UGGT2: variants seen among roughly 807,000 people sequenced by gnomAD.
UGGT2 encodes the protein UDP-glucose:glycoprotein glucosyltransferase 2.
Under a neutral mutation model 192.1 loss-of-function variants are expected in UGGT2, and 180 were observed. That is an observed-to-expected ratio of 0.94 (90% CI 0.83 to 1.06). The LOEUF is 1.06. Ranked by LOEUF, UGGT2 falls within the 50% of genes least tolerant of loss-of-function variation. The probability of loss-of-function intolerance (pLI) is 0.00; values close to 1 mark genes in which losing one functional copy is unlikely to be tolerated. For missense variants in UGGT2, 1,849 were observed against 1,795.7 expected (o/e 1.03, Z -0.54); for synonymous variants, 580 against 591.0 (o/e 0.98, Z 0.27).
chr13:95,913,372 G>T (rs897614998), intron 20 of UGGT2, among the ~76,000 whole-genome samples: 2 of 151,976 alleles, frequency 1.3e-5, no homozygotes, highest in Non-Finnish European at 2.9e-5. Context: ...AATCTACAAA[G>T]AACTCAAACA....
intron 5 of UGGT2, among the ~76,000 whole-genome samples, chr13:96,000,750 C>T (rs2051773374): frequency 6.6e-6 from 1 of 151,980 alleles, no homozygotes; most frequent in South Asian, 2.1e-4. Context: ...AAAAATGTTC[C>T]TAAATTCATA....
At chr13:95,832,497 G>GCA (rs1397882715) in intron 38 of UGGT2, among the ~76,000 whole-genome samples, 10,945 of 152,050 alleles carry the variant, frequency 0.072, 465 homozygotes, top group East Asian at 0.15. Flanking sequence ...ACAAACACGT[G>GCA]GGGAAACCTC....
At chr13:95,883,640 C>G (rs2140192263) in intron 27 of UGGT2, among the ~76,000 whole-genome samples, 1 of 152,200 alleles carries the variant, frequency 6.6e-6, no homozygotes, top group Non-Finnish European at 1.5e-5. Context: ...TGAGATGTGC[C>G]TGGCTTCCCC....
chr13:95,982,138 A>C (rs549461012), intron 10 of UGGT2, among the ~76,000 whole-genome samples: 1 of 152,330 alleles, frequency 6.6e-6, no homozygotes, highest in African/African-American at 2.4e-5. Context: ...GCCCTGAGTA[A>C]GCTGGCATAC....
intron 22 of UGGT2, 66 bp from the exon 23 acceptor site, chr13:95,895,370 C>A: frequency 2.0e-6 from 2 of 1,006,808 alleles, no homozygotes; most frequent in South Asian, 2.2e-5. Context: ...AAAAACATTT[C>A]CTCATCAAAT....
At chr13:96,004,208 TTTTTTA>T (rs1160278807) in intron 5 of UGGT2, among the ~76,000 whole-genome samples, 1 of 152,032 alleles carries the variant, frequency 6.6e-6, no homozygotes, top group East Asian at 1.9e-4. Flanking sequence ...GTTTTTAAAA[TTTTTTA>T]TTTTTAATTA....
chr13:95,834,647 T>C (rs573720099), intron 37 of UGGT2, among the ~76,000 whole-genome samples: 2 of 152,282 alleles, frequency 1.3e-5, no homozygotes, highest in South Asian at 4.1e-4. Context: ...ATTCTACTCT[T>C]AGTGTTTCTA....
chr13:95,867,575 A>G (rs1390875884), intron 29 of UGGT2, 152 bp from the exon 30 acceptor site: 1 of 560,904 alleles, frequency 1.8e-6, no homozygotes, highest in East Asian at 3.3e-5. Flanking sequence ...ATTAAGATAT[A>G]CTATAATATG....
At chr13:95,884,703 C>T (rs2047595634) in intron 26 of UGGT2, 23 bp from the exon 27 acceptor site, 2 of 1,567,218 alleles carry the variant, frequency 1.3e-6, no homozygotes, top group South Asian at 1.2e-5. Flanking sequence ...CATAAAAATA[C>T]ATAATGTGAC....
intron 4 of UGGT2, among the ~76,000 whole-genome samples, chr13:96,020,270 A>G (rs1294395934): frequency 6.6e-6 from 1 of 152,122 alleles, no homozygotes; most frequent in African/African-American, 2.4e-5. Flanking sequence ...AAGAACTGCT[A>G]TTTTAAAAAG....
intron 27 of UGGT2, among the ~76,000 whole-genome samples, chr13:95,878,698 C>T (rs2047410854): frequency 6.6e-6 from 1 of 152,144 alleles, no homozygotes; most frequent in Non-Finnish European, 1.5e-5. Flanking sequence ...TATATCTAAT[C>T]TTATTTCACC....
chr13:95,973,199 A>C (rs2050831886), intron 10 of UGGT2, among the ~76,000 whole-genome samples: 1 of 151,852 alleles, frequency 6.6e-6, no homozygotes, highest in South Asian at 2.1e-4. Context: ...ATAAATAATA[A>C]ATAAAAATAA....
At chr13:95,825,097 G>A (rs1338296330) in intron 38 of UGGT2, among the ~76,000 whole-genome samples, 1 of 152,118 alleles carries the variant, frequency 6.6e-6, no homozygotes, top group Non-Finnish European at 1.5e-5. Flanking sequence ...TAATAGTCAT[G>A]TACTCAGTGT....
In UGGT2 at chr13:95,975,115, G is replaced by A. The variant is rs549980387; in HGVS notation, c.1093-2444C>T. 4.6e-5 allele frequency among the ~76,000 whole-genome samples: 7 copies of A among 152,114 alleles called. No homozygotes were observed. The South Asian group carries it at 1.5e-3, about 32-fold the overall frequency. The stretch of plus-strand genomic sequence containing the variant: ...AATATGAAAAATGTCCCCTAAATGC[G>A]GCTCTGAGTTGAAGAAAGTATTCAC... On this transcript the variant is annotated intron_variant, in intron 10 of 38. Transcript: ENST00000376747.
intron 38 of UGGT2, among the ~76,000 whole-genome samples, chr13:95,808,903 T>C (rs867569773): frequency 1.3e-5 from 2 of 152,154 alleles, no homozygotes; most frequent in Non-Finnish European, 2.9e-5. Context: ...ACAATTCTAC[T>C]AAAAAACAAC....
At chr13:96,028,120 T>G (rs576127095) in intron 2 of UGGT2, among the ~76,000 whole-genome samples, 25 of 152,340 alleles carry the variant, frequency 1.6e-4, no homozygotes, top group African/African-American at 5.3e-4. Context: ...AATTACCGTT[T>G]TTCATATTGA....
intron 36 of UGGT2, among the ~76,000 whole-genome samples, chr13:95,838,958 T>TA (rs1323583824): frequency 6.6e-6 from 1 of 152,162 alleles, no homozygotes; most frequent in East Asian, 1.9e-4. Flanking sequence ...ATTTTACCAC[T>TA]ATTTCACTGT....
intron 37 of UGGT2, among the ~76,000 whole-genome samples, chr13:95,834,396 G>C (rs1478846244): frequency 1.3e-5 from 2 of 152,010 alleles, no homozygotes; most frequent in African/African-American, 4.8e-5. Context: ...CAGAAATGCT[G>C]CTGAATACCC....
At chr13:95,902,769 T>G (rs549419253) in intron 21 of UGGT2, 85 bp downstream of exon 21, 2 of 1,314,844 alleles carry the variant, frequency 1.5e-6, no homozygotes, top group East Asian at 2.3e-5. Flanking sequence ...TCTACCATTG[T>G]TTTTCAGTAA....
Sources: gnomAD v4.1 joint callset for allele counts (sites outside exome capture counted in the v4.1 genomes callset) on GRCh38, gnomAD v4.1.1 for gene constraint, MANE v1.5 for transcripts, NCBI Gene and HGNC (gene_info 2026-07-23, HGNC 2026-07-21) for gene names.